ABLIM1: variants seen among roughly 807,000 people sequenced by gnomAD.
The protein encoded by ABLIM1 is actin binding LIM protein 1.
A neutral mutation model predicts 107.0 loss-of-function variants in ABLIM1; 40 were observed. That is an observed-to-expected ratio of 0.37 (90% confidence interval 0.29 to 0.49). The LOEUF (loss-of-function observed/expected upper bound fraction) is 0.49. Among genes scored for constraint, ABLIM1 ranks in the 20% least tolerant of loss-of-function variants. The probability of loss-of-function intolerance (pLI) is 0.97; values close to 1 mark genes in which losing one functional copy is unlikely to be tolerated. For synonymous variants in ABLIM1, 357 were observed against 357.3 expected (o/e 1.00, Z 0.01); for missense variants, 857 against 1,008.5 (o/e 0.85, Z 2.04).
At position 114,566,776 on chromosome 10, in the gene ABLIM1, T is replaced by C. The variant is rs538938534; in HGVS notation, c.673+4521A>G. 5.3e-5 allele frequency among the ~76,000 whole-genome samples: 8 copies of C among 152,294 alleles called. No homozygotes were observed. The South Asian group carries it at 1.7e-3, about 32-fold the overall frequency. ...ACTTCCTAATGATTTTGGCCGGGCA[T>C]GGTGGCTCACGCCTGTAATCCCAGC... On this transcript the variant is annotated intron_variant, in intron 4 of 22. Transcript: ENST00000533213.
chr10:114,675,248 T>C (rs1228654400), intron 1 of ABLIM1, among the ~76,000 whole-genome samples: 2 of 152,140 alleles, frequency 1.3e-5, no homozygotes, highest in East Asian at 3.9e-4. Context: ...CCAGCTGATA[T>C]GGTTTGGCTG....
At chr10:114,535,932 C>A (rs1388730392) in intron 6 of ABLIM1, among the ~76,000 whole-genome samples, 2 of 152,108 alleles carry the variant, frequency 1.3e-5, no homozygotes, top group East Asian at 3.9e-4. Flanking sequence ...GGACTTAAGT[C>A]TGACAGATTT....
intron 1 of ABLIM1, among the ~76,000 whole-genome samples, chr10:114,767,866 C>T (rs115227446): frequency 6.6e-6 from 1 of 152,056 alleles, no homozygotes; most frequent in South Asian, 2.1e-4. Context: ...TAGGCTCGCC[C>T]ACATCCGGGG....
the ABLIM1 span, among the ~76,000 whole-genome samples, chr10:114,799,779 A>ATT: frequency 2.0e-5 from 3 of 149,998 alleles, no homozygotes; most frequent in African/African-American, 7.3e-5. Context: ...ATCTGGAATG[A>ATT]TTTTTTTTTT....
intron 1 of ABLIM1, among the ~76,000 whole-genome samples, chr10:114,623,231 G>A (rs966769815): frequency 1.3e-5 from 2 of 152,210 alleles, no homozygotes; most frequent in African/African-American, 4.8e-5. Context: ...GATGCCTGCA[G>A]AATATGCACA....
intron 12 of ABLIM1, among the ~76,000 whole-genome samples, chr10:114,455,733 A>G (rs1357529510): frequency 6.6e-6 from 1 of 152,066 alleles, no homozygotes; most frequent in Non-Finnish European, 1.5e-5. Flanking sequence ...TTCACCATCA[A>G]TTTTCTCTAA....
chr10:114,732,180 C>CTTTTTTTT (rs113276247), intron 1 of ABLIM1, among the ~76,000 whole-genome samples: 13 of 109,864 alleles, frequency 1.2e-4, no homozygotes, highest in East Asian at 2.5e-4. Context: ...CTTTTCTTTT[C>CTTTTTTTT]TTTTTTTTTT....
At chr10:114,577,886 C>G (rs1224418477) in intron 2 of ABLIM1, among the ~76,000 whole-genome samples, 1 of 152,142 alleles carries the variant, frequency 6.6e-6, no homozygotes, top group African/African-American at 2.4e-5. Flanking sequence ...GAAGGGGGGC[C>G]TATGATGCCA....
chr10:114,447,905 A>G lies in ABLIM1; in HGVS notation c.1710T>C (p.Pro570=). The change falls in exon 15 of 23, where the codon CCT becomes CCC. Residue 570 remains proline (P), a synonymous_variant. Coordinates refer to ENST00000533213, the MANE Select transcript of ABLIM1 (RefSeq NM_002313.7). ...ETPKIETDHW[P]GPPSFAVVGP... is the part of the protein sequence containing the mutation. The stretch of plus-strand genomic sequence containing the variant: ...CTACGACAGCAAATGAGGGGGGACC[A>G]GGCCAGTGGTCCGTCTCAATCTTTG... 6.2e-7 allele frequency: 1 copy of G among 1,614,124 alleles called. No homozygotes were observed. Among genetic ancestry groups the G allele is most frequent in the Non-Finnish European group, 8.5e-7 (1 of 1,180,004 alleles).
rs1383288169 is a variant in ABLIM1 at position 114,434,685 on chromosome 10, A to G, written c.*1575T>C. ...CCAAAGCATGATAATAAAGTGGCTTACCCTCCTGGGTGTGGAGTTACACAA... is the reference window on the plus strand; with the variant it reads ...CCAAAGCATGATAATAAAGTGGCTTGCCCTCCTGGGTGTGGAGTTACACAA... On this transcript the variant is annotated 3_prime_UTR_variant, in exon 23 of 23. Transcript: ENST00000533213. 1.3e-5 allele frequency: 2 copies of G among 152,132 alleles called. No homozygotes were observed. The highest frequency in any genetic ancestry group is 6.6e-5 in the Admixed American group (1 of 15,262). The allele number at this position is 152,132 out of a possible 1,614,324, so 9.4% of individuals were successfully genotyped here.
At chr10:114,788,327 A>T in the ABLIM1 span, among the ~76,000 whole-genome samples, 1,330 of 135,418 alleles carry the variant, frequency 9.8e-3, 14 homozygotes, top group African/African-American at 0.039. Context: ...AATGATCAAT[A>T]AAAAAATAAA....
chr10:114,717,993 AG>A lies in ABLIM1; in HGVS notation c.-213+50067del, dbSNP rs1195187070. On this transcript the variant is annotated intron_variant, in intron 1 of 15. Transcript: ENST00000651092. ...AAGGGAAAGAGAAAGAAAGAAAGAAAGGAAGGAAGGAAGGAAGGAAGGAAGG... is the reference window on the plus strand; with the variant it reads ...AAGGGAAAGAGAAAGAAAGAAAGAAAGAAGGAAGGAAGGAAGGAAGGAAGG... 4.1e-4 allele frequency among the ~76,000 whole-genome samples: 33 copies of A among 80,954 alleles called. No individual in the cohort carries two copies. In the South Asian group the frequency reaches 7.8e-3, roughly 19 times the overall value. The allele number at this position is 80,954 out of a possible 152,430, so 53.1% of individuals were successfully genotyped here.
In ABLIM1 at chr10:114,619,823, A is replaced by C. The variant is rs561665673; in HGVS notation, c.245-17862T>G. On this transcript the variant is annotated intron_variant, in intron 1 of 22. Transcript: ENST00000533213. This position sits in a 1 kb window ranked among gnomAD's most constrained non-coding sequence, Gnocchi z 4.1. ...TTGGACTTCCAGCTGGAATTCAAAC[A>C]GTATTTTACTCTGAATTTAACAGTT... 3.9e-5 allele frequency among the ~76,000 whole-genome samples: 6 copies of C among 152,350 alleles called. No individual in the cohort carries two copies. Among genetic ancestry groups the C allele is most frequent in the African/African-American group, 1.4e-4 (6 of 41,580 alleles).
chr10:114,473,886 G>C lies in ABLIM1; in HGVS notation c.1112C>G (p.Thr371Ser). Residue 371 changes from threonine to serine, a missense_variant, in exon 9 of 23, where the codon ACT (threonine) becomes AGT (serine). Thr to Ser is a moderately conservative substitution (Grantham distance 58). This residue lies in a region of ABLIM1 where 381 missense variants were observed against 506.9 expected (regional missense o/e 0.75). Transcript: ENST00000533213. ...CCAGAAGTAGATACTTACATAGATA[G>C]TATGACCTGGTGAGCCAGGAATACT... Reference protein sequence around the residue: ...GSSIPGSPGHTIYAKVDNEIL... With the variant: ...GSSIPGSPGHSIYAKVDNEIL... 3 of 1,611,122 alleles carry C rather than the reference G, an allele frequency of 1.9e-6. No individual in the cohort carries two copies. The highest frequency in any genetic ancestry group is 2.5e-6 in the Non-Finnish European group (3 of 1,177,368).
chr10:114,547,486 T>C (rs2067505058), intron 5 of ABLIM1, 164 bp downstream of exon 5: 2 of 890,404 alleles, frequency 2.2e-6, no homozygotes, highest in Non-Finnish European at 3.3e-6. Context: ...GGCAAAAGAA[T>C]ACAATTCTTT....
At chr10:114,512,393 T>C (rs1344157949) in intron 6 of ABLIM1, among the ~76,000 whole-genome samples, 1 of 152,174 alleles carries the variant, frequency 6.6e-6, no homozygotes, top group Non-Finnish European at 1.5e-5. Flanking sequence ...AGTGTGCAAA[T>C]AGTAAGTGGA....
chr10:114,704,300 CTCTATATATA>C (rs1261683310), intron 1 of ABLIM1, among the ~76,000 whole-genome samples: 826 of 28,826 alleles, frequency 0.029, 4 homozygotes, highest in Middle Eastern at 0.068. Context: ...CTCTCTCTCT[CTCTATATATA>C]TATATATATA....
At chr10:114,728,467 C>A (rs2082004904) in intron 1 of ABLIM1, among the ~76,000 whole-genome samples, 1 of 123,956 alleles carries the variant, frequency 8.1e-6, no homozygotes, top group African/African-American at 3.1e-5. Context: ...TATCCATCAA[C>A]ATTAAGAATG....
chr10:114,483,778 A>T (rs2057753812), intron 8 of ABLIM1, among the ~76,000 whole-genome samples: 1 of 152,230 alleles, frequency 6.6e-6, no homozygotes, highest in Non-Finnish European at 1.5e-5. Context: ...AGCCCAGCCA[A>T]AGTGCTGCAG....
Sources: allele counts gnomAD v4.1 joint callset (sites outside exome capture counted in the v4.1 genomes callset), GRCh38; gene constraint gnomAD v4.1.1; regional missense constraint gnomAD v4.1.1; non-coding constraint Gnocchi (gnomAD v3.1); transcripts MANE v1.5; gene names NCBI Gene and HGNC (gene_info 2026-07-23, HGNC 2026-07-21).